Variants in GPR158 observed in about 807,000 individuals in gnomAD.
GPR158 encodes the protein G protein-coupled receptor 158, also known as metabotropic glycine receptor.
Under a neutral mutation model 78.2 loss-of-function variants are expected in GPR158, and 30 were observed. The ratio of observed to expected loss-of-function variants is 0.38; its 90% CI spans 0.29 to 0.52. The LOEUF is 0.52. GPR158 is among the 20% of genes least tolerant of loss of function. GPR158 has a pLI of 0.83. For synonymous variants in GPR158, 581 were observed against 591.1 expected (o/e 0.98, Z 0.25); for missense variants, 1,463 against 1,523.5 (o/e 0.96, Z 0.66).
At chr10:25,387,015 C>G (rs115601696) in intron 2 of GPR158, among the ~76,000 whole-genome samples, 1 of 152,126 alleles carries the variant, frequency 6.6e-6, no homozygotes, top group Non-Finnish European at 1.5e-5. Flanking sequence ...TACTATGTTT[C>G]GTGAAAGTGG....
Position 25,193,899 on chromosome 10 carries a change from A to G in GPR158, c.902+17577A>G, listed in dbSNP as rs959636969. ...AGGTAAAGGGGTAAAAAAAAAAAAA[A>G]AAAGAAAATTCAGAATTCCTTGCAA... On this transcript the variant is annotated intron_variant, in intron 1 of 10. Coordinates refer to ENST00000376351, the MANE Select transcript of GPR158 (RefSeq NM_020752.3). Among the ~76,000 whole-genome samples the G allele has an allele frequency of 1.7e-4, 26 of 152,244 alleles. No individual in the cohort carries two copies. In the East Asian group the frequency reaches 4.6e-3, roughly 27 times the overall value.
At chr10:25,338,526 T>A (rs1855255241) in intron 2 of GPR158, among the ~76,000 whole-genome samples, 2 of 102,756 alleles carry the variant, frequency 1.9e-5, no homozygotes, top group Admixed American at 2.1e-4. Flanking sequence ...TATACGTATA[T>A]TACGTATATT....
rs889972299 is a variant in GPR158 at position 25,600,345 on chromosome 10, C to T, written c.*1071C>T. 6.6e-5 allele frequency: 10 copies of T among 152,178 alleles called. No individual in the cohort carries two copies. Among genetic ancestry groups the T allele is most frequent in the Non-Finnish European group, 1.2e-4 (8 of 67,938 alleles). The allele number at this position is 152,178 out of a possible 1,614,324, so 9.4% of individuals were successfully genotyped here. Reference sequence around the variant, plus strand: ...GAAGCTAAGAGTGAGAAAAATATACCGTGCATTATTATTACTATTGGAAAG... The same window carrying T: ...GAAGCTAAGAGTGAGAAAAATATACTGTGCATTATTATTACTATTGGAAAG... On this transcript the variant is annotated 3_prime_UTR_variant, in exon 11 of 11. Transcript: ENST00000376351.
intron 2 of GPR158, among the ~76,000 whole-genome samples, chr10:25,362,101 C>T (rs917603667): frequency 1.3e-5 from 2 of 151,882 alleles, no homozygotes; most frequent in East Asian, 3.9e-4. Context: ...TTAGAAGTTT[C>T]GTGGCTTTAG....
At chr10:25,205,347 A>C (rs1436693905) in intron 1 of GPR158, among the ~76,000 whole-genome samples, 1 of 134,460 alleles carries the variant, frequency 7.4e-6, no homozygotes, top group African/African-American at 2.8e-5. Flanking sequence ...TCCTGGATTC[A>C]TTGATCTTTT....
chr10:25,400,145 G>C (rs1834420843), intron 3 of GPR158, among the ~76,000 whole-genome samples: 1 of 152,104 alleles, frequency 6.6e-6, no homozygotes, highest in African/African-American at 2.4e-5. Context: ...CATTATATTA[G>C]GTTAACCAGT....
intron 6 of GPR158, among the ~76,000 whole-genome samples, chr10:25,556,308 G>A (rs1335176246): frequency 6.6e-6 from 1 of 152,148 alleles, no homozygotes. Context: ...AAGATCCTAA[G>A]TCATGACCCC....
intron 5 of GPR158, among the ~76,000 whole-genome samples, chr10:25,489,643 T>A (rs950606932): frequency 6.6e-6 from 1 of 152,234 alleles, no homozygotes; most frequent in Admixed American, 6.5e-5. Flanking sequence ...AGCTTCTCAA[T>A]GTCCTCCAGG....
intron 1 of GPR158, among the ~76,000 whole-genome samples, chr10:25,180,434 T>G (rs772211138): frequency 3.3e-5 from 5 of 152,340 alleles, no homozygotes; most frequent in African/African-American, 7.2e-5. Context: ...TCCACCATCC[T>G]GTGCTGATTT....
chr10:25,237,219 G>A (rs1370057218), intron 2 of GPR158, among the ~76,000 whole-genome samples: 1 of 152,104 alleles, frequency 6.6e-6, no homozygotes, highest in African/African-American at 2.4e-5. Flanking sequence ...AGTTTACCAG[G>A]TAATCTCATC....
At chr10:25,295,921 C>A (rs779942186) in intron 2 of GPR158, among the ~76,000 whole-genome samples, 3 of 152,018 alleles carry the variant, frequency 2.0e-5, no homozygotes, top group Non-Finnish European at 4.4e-5. Flanking sequence ...CCTGAATCCC[C>A]CGTTAAGAAG....
intron 4 of GPR158, among the ~76,000 whole-genome samples, chr10:25,456,187 T>C (rs1333059193): frequency 6.6e-6 from 1 of 152,180 alleles, no homozygotes; most frequent in Non-Finnish European, 1.5e-5. Flanking sequence ...TGTTACACCT[T>C]ATTAAATCAT....
chr10:25,266,748 T>G (rs1854049854), intron 2 of GPR158, among the ~76,000 whole-genome samples: 1 of 152,156 alleles, frequency 6.6e-6, no homozygotes, highest in Non-Finnish European at 1.5e-5. Flanking sequence ...ATGATAATAT[T>G]CTATAAAATG....
intron 1 of GPR158, among the ~76,000 whole-genome samples, chr10:25,197,598 T>G (rs1277192426): frequency 6.6e-6 from 1 of 152,218 alleles, no homozygotes; most frequent in African/African-American, 2.4e-5. Context: ...CATGTTTAAT[T>G]AAATCACTAG....
intron 2 of GPR158, among the ~76,000 whole-genome samples, chr10:25,353,562 A>G (rs1003935282): frequency 2.0e-5 from 3 of 152,036 alleles, no homozygotes; most frequent in Non-Finnish European, 4.4e-5. Context: ...TCTTGTTCAC[A>G]TGTATGTTTG....
At chr10:25,442,987 A>T (rs1835088447) in intron 4 of GPR158, among the ~76,000 whole-genome samples, 1 of 152,144 alleles carries the variant, frequency 6.6e-6, no homozygotes, top group East Asian at 1.9e-4. Flanking sequence ...CTGCTATAGG[A>T]TACAGACCAA....
chr10:25,237,160 A>T (rs935532941), intron 2 of GPR158, among the ~76,000 whole-genome samples: 1 of 152,292 alleles, frequency 6.6e-6, no homozygotes, highest in Admixed American at 6.5e-5. Context: ...TGCTAGTTTC[A>T]TCACTAATTT....
At position 25,236,082 on chromosome 10, in the gene GPR158, C is replaced by T. The variant is rs886516926; in HGVS notation, c.1008+14925C>T. ...ATTATTTATAATTGTTTGTTTGTAT[C>T]GATCTTCTATGCTAGACTGTAAGCT... On this transcript the variant is annotated intron_variant, in intron 2 of 10. Transcript: ENST00000376351. 6.0e-4 allele frequency among the ~76,000 whole-genome samples: 92 copies of T among 152,078 alleles called. 1 individual carries two copies. The highest frequency in any genetic ancestry group is 1.9e-3 in the Admixed American group (29 of 15,268).
chr10:25,563,352 ACT>A (rs1332513019), intron 6 of GPR158, among the ~76,000 whole-genome samples: 1 of 148,592 alleles, frequency 6.7e-6, no homozygotes, highest in African/African-American at 2.5e-5. Context: ...ATCTACGGTA[ACT>A]CTCTTATAGA....
Sources: gnomAD v4.1 joint callset for allele counts (sites outside exome capture counted in the v4.1 genomes callset) on GRCh38, gnomAD v4.1.1 for gene constraint, MANE v1.5 for transcripts, NCBI Gene and HGNC (gene_info 2026-07-23, HGNC 2026-07-21) for gene names.